Variants in ERAP1 observed in about 807,000 individuals in gnomAD.
The protein encoded by ERAP1 is endoplasmic reticulum aminopeptidase 1.
ERAP1 carries 86 observed loss-of-function variants against 103.7 expected under a neutral mutation model. The observed-to-expected ratio is 0.83, with a 90% CI of 0.70 to 0.99. ERAP1 has a LOEUF of 0.99. ERAP1 is among the 50% of genes least tolerant of loss of function. The pLI is 0.00. For synonymous variants in ERAP1, 398 were observed against 402.4 expected (o/e 0.99, Z 0.13); for missense variants, 1,009 against 1,128.4 (o/e 0.89, Z 1.52).
At chr5:96,806,727 TTTTA>T (rs1316104486) in intron 1 of ERAP1, among the ~76,000 whole-genome samples, 1 of 151,268 alleles carries the variant, frequency 6.6e-6, no homozygotes, top group Non-Finnish European at 1.5e-5. Context: ...CCTCCCTTCC[TTTTA>T]TTGGGGCACT....
At chr5:96,845,186 T>C in the ERAP1 span, among the ~76,000 whole-genome samples, 1 of 152,082 alleles carries the variant, frequency 6.6e-6, no homozygotes, top group South Asian at 2.1e-4. Context: ...CAGTATAAAA[T>C]TACAATCATT....
the ERAP1 span, among the ~76,000 whole-genome samples, chr5:96,844,169 T>C: frequency 6.6e-6 from 1 of 152,176 alleles, no homozygotes; most frequent in Admixed American, 6.5e-5. Context: ...CTCAGTTCAT[T>C]TCAATAACAC....
At chr5:96,889,648 C>T in the ERAP1 span, among the ~76,000 whole-genome samples, 10 of 152,116 alleles carry the variant, frequency 6.6e-5, no homozygotes, top group Non-Finnish European at 1.3e-4. Context: ...AGAAGGAACA[C>T]AGTGACTGCT....
rs973726106 is a variant in ERAP1 at position 96,786,624 on chromosome 5, G to T, written c.1680-75C>A. The stretch of plus-strand genomic sequence containing the variant: ...GCAGTTATTAAATCACCTATCATGT[G>T]CCAGGCACTGGTTAGTTTAGAACAA... On this transcript the variant is annotated intron_variant, in intron 11 of 18. Transcript: ENST00000443439. The T allele has an allele frequency of 7.3e-6, 7 of 956,836 alleles. No homozygotes were observed. In the African/African-American group the frequency reaches 8.1e-5, roughly 11 times the overall value. The allele number at this position is 956,836 out of a possible 1,614,324, so 59.3% of individuals were successfully genotyped here. A position where few individuals can be genotyped will look rare whatever the true frequency, so the allele number is the denominator to read the frequency against.
In ERAP1 at chr5:96,768,295, GC is replaced by G. The variant is rs552711878; in HGVS notation, c.2819-5068del. The G allele has an allele frequency of 9.8e-4, 403 of 409,758 alleles. 3 individuals carry two copies. In the Admixed American group the frequency reaches 0.013, roughly 13 times the overall value. The allele number at this position is 409,758 out of a possible 1,614,324, so 25.4% of individuals were successfully genotyped here. On this transcript the variant is annotated intron_variant, in intron 19 of 19. Coordinates refer to the ERAP1 transcript ENST00000296754. ...AGAGGGGGTTTCGCCATGTTGCCAG[GC>G]TGGTCTCGAGCTCTTGGGCTCAAGT...
At chr5:96,856,092 G>A in the ERAP1 span, among the ~76,000 whole-genome samples, 5 of 151,432 alleles carry the variant, frequency 3.3e-5, no homozygotes, top group Non-Finnish European at 2.9e-5. Flanking sequence ...AGGCCCAGGC[G>A]GGCAGATTAT....
At chr5:96,856,036 C>G in the ERAP1 span, among the ~76,000 whole-genome samples, 4 of 151,822 alleles carry the variant, frequency 2.6e-5, no homozygotes, top group Admixed American at 2.0e-4. Flanking sequence ...ATATTTTGAG[C>G]AGGCCGGACA....
intron 11 of ERAP1, 46 bp downstream of exon 11, chr5:96,788,485 A>G (rs1430816443): frequency 6.2e-7 from 1 of 1,608,344 alleles, no homozygotes; most frequent in Non-Finnish European, 8.5e-7. Flanking sequence ...CCTACAAGGC[A>G]GATGTTACCT....
the ERAP1 span, among the ~76,000 whole-genome samples, chr5:96,921,845 T>C: frequency 2.0e-5 from 3 of 152,270 alleles, no homozygotes; most frequent in African/African-American, 7.2e-5. Flanking sequence ...GGAATTCCCA[T>C]AGTAATAGCA....
chr5:96,877,134 C>A, the ERAP1 span, among the ~76,000 whole-genome samples: 1 of 152,024 alleles, frequency 6.6e-6, no homozygotes. Flanking sequence ...GCCACCATGC[C>A]CGGCTAATTT....
At chr5:96,924,592 T>C in the ERAP1 span, among the ~76,000 whole-genome samples, 1 of 151,444 alleles carries the variant, frequency 6.6e-6, no homozygotes, top group Non-Finnish European at 1.5e-5. Flanking sequence ...CAATTCGGGC[T>C]AACAGATTTT....
At chr5:96,929,180 C>A in the ERAP1 span, among the ~76,000 whole-genome samples, 41 of 152,162 alleles carry the variant, frequency 2.7e-4, no homozygotes, top group African/African-American at 9.4e-4. Flanking sequence ...TACACTTGGC[C>A]CTCTTGCAAG....
At chr5:96,802,527 T>C (rs879550339) in intron 2 of ERAP1, among the ~76,000 whole-genome samples, 6 of 152,084 alleles carry the variant, frequency 3.9e-5, no homozygotes, top group Non-Finnish European at 8.8e-5. Flanking sequence ...ATTTGAAAAA[T>C]AAATTAGTAT....
the ERAP1 span, among the ~76,000 whole-genome samples, chr5:96,836,867 A>G: frequency 6.6e-6 from 1 of 152,216 alleles, no homozygotes; most frequent in Admixed American, 6.5e-5. Flanking sequence ...CCTTGTTTTG[A>G]TTAATTGGGT....
At chr5:96,820,471 A>C in the ERAP1 span, among the ~76,000 whole-genome samples, 1 of 152,218 alleles carries the variant, frequency 6.6e-6, no homozygotes, top group Non-Finnish European at 1.5e-5. Flanking sequence ...AATATACTTC[A>C]GATTTGAATG....
At chr5:96,882,441 G>C in the ERAP1 span, among the ~76,000 whole-genome samples, 1 of 152,066 alleles carries the variant, frequency 6.6e-6, no homozygotes, top group Non-Finnish European at 1.5e-5. Flanking sequence ...TCACCTAGTA[G>C]GTCTGACATG....
the ERAP1 span, among the ~76,000 whole-genome samples, chr5:96,860,015 A>G: frequency 6.6e-6 from 1 of 152,150 alleles, no homozygotes; most frequent in Non-Finnish European, 1.5e-5. Flanking sequence ...GAGATAAAGT[A>G]CAGCCCAAAA....
chr5:96,929,119 T>A, the ERAP1 span, among the ~76,000 whole-genome samples: 1 of 152,226 alleles, frequency 6.6e-6, no homozygotes, highest in African/African-American at 2.4e-5. Context: ...ACCATGCCAA[T>A]GTGTAAAACC....
At chr5:96,833,402 G>A in the ERAP1 span, among the ~76,000 whole-genome samples, 4 of 152,132 alleles carry the variant, frequency 2.6e-5, no homozygotes, top group African/African-American at 7.2e-5. Context: ...TTTTGGAAAT[G>A]TATGTTTGTT....
Sources: gnomAD v4.1 joint callset for allele counts (sites outside exome capture counted in the v4.1 genomes callset) on GRCh38, gnomAD v4.1.1 for gene constraint, MANE v1.5 for transcripts, NCBI Gene and HGNC (gene_info 2026-07-23, HGNC 2026-07-21) for gene names.